CYRIB: variants seen among roughly 807,000 people sequenced by gnomAD.
CYRIB encodes the protein CYFIP related Rac1 interactor B.
A neutral mutation model predicts 44.2 loss-of-function variants in CYRIB; 8 were observed. That is an observed-to-expected ratio of 0.18 (90% CI 0.11 to 0.33). The LOEUF (loss-of-function observed/expected upper bound fraction) is 0.33. Ranked by LOEUF, CYRIB falls within the 10% of genes least tolerant of loss-of-function variation. CYRIB has a pLI of 1.00. For missense variants in CYRIB, 185 were observed against 382.8 expected, an observed-to-expected ratio of 0.48 and a Z score of 4.31; for synonymous variants, 131 against 127.2, an observed-to-expected ratio of 1.03 and a Z score of -0.20.
intron 2 of CYRIB, among the ~76,000 whole-genome samples, chr8:129,898,780 TAA>T (rs2069697790): frequency 6.6e-6 from 1 of 152,234 alleles, no homozygotes; most frequent in Admixed American, 6.5e-5. Context: ...CTTACAGTGC[TAA>T]AAAGAGTCCA....
upstream of CYRIB, among the ~76,000 whole-genome samples, chr8:129,941,173 G>C (rs779323964): frequency 6.6e-6 from 1 of 151,894 alleles, no homozygotes; most frequent in Non-Finnish European, 1.5e-5. Context: ...AACATTCCTA[G>C]GCCTCAGACT....
intron 2 of CYRIB, among the ~76,000 whole-genome samples, chr8:129,954,526 T>G (rs201596603): frequency 4.5e-5 from 1 of 22,012 alleles, no homozygotes; most frequent in Non-Finnish European, 1.3e-4. Context: ...CCTGGCCTAG[T>G]TTTTTAATTT....
chr8:129,920,182 G>A (rs74325698), intron 1 of CYRIB, among the ~76,000 whole-genome samples: 4,570 of 151,132 alleles, frequency 0.03, 235 homozygotes, highest in African/African-American at 0.11. Flanking sequence ...TTTAAAACAT[G>A]TAAGTCCAGC....
chr8:129,859,066 T>A (rs2047794042), intron 5 of CYRIB, among the ~76,000 whole-genome samples: 1 of 152,026 alleles, frequency 6.6e-6, no homozygotes, highest in African/African-American at 2.4e-5. Context: ...TGGCCCCGAA[T>A]GCTAGGCTGC....
rs141039598 is a variant in CYRIB, at chr8:129,908,208, T to C, written c.-49-4858A>G. Among the ~76,000 whole-genome samples the C allele has an allele frequency of 5.5e-3, 837 of 151,932 alleles. 8 individuals carry two copies. Among genetic ancestry groups the C allele is most frequent in the African/African-American group, 0.019 (793 of 41,434 alleles). ...AAAAAATTTAAAATGGAAAGATGAATCAATCATGTAAAAATTAAAGATAAG... is the reference window on the plus strand; with the variant it reads ...AAAAAATTTAAAATGGAAAGATGAACCAATCATGTAAAAATTAAAGATAAG... On this transcript the variant is annotated intron_variant, in intron 1 of 11. Transcript: ENST00000519824.
intron 2 of CYRIB, among the ~76,000 whole-genome samples, chr8:129,960,373 T>C (rs1206206753): frequency 6.6e-6 from 1 of 152,030 alleles, no homozygotes; most frequent in Non-Finnish European, 1.5e-5. Flanking sequence ...GGTGGGTGGA[T>C]CACCTGAGGT....
chr8:130,000,788 GGGAGGATCCCT>G (rs1396359192), intron 1 of CYRIB, among the ~76,000 whole-genome samples: 1 of 152,064 alleles, frequency 6.6e-6, no homozygotes. Context: ...AGGCCAAGGT[GGGAGGATCCCT>G]GGAGCTCAGG....
intron 7 of CYRIB, among the ~76,000 whole-genome samples, chr8:129,853,576 T>C (rs2044497716): frequency 6.6e-6 from 1 of 152,202 alleles, no homozygotes; most frequent in Non-Finnish European, 1.5e-5. Flanking sequence ...TTCAGACCAA[T>C]TATAAGGTTC....
chr8:129,850,550 A>C (rs1023822300), intron 9 of CYRIB: 2 of 377,124 alleles, frequency 5.3e-6, no homozygotes, highest in Non-Finnish European at 9.5e-6. Context: ...AGCCACCAAA[A>C]CACCACCACC....
chr8:129,982,555 T>A (rs1305992580), intron 1 of CYRIB, among the ~76,000 whole-genome samples: 2 of 152,186 alleles, frequency 1.3e-5, no homozygotes, highest in Non-Finnish European at 2.9e-5. Context: ...AAGTCCTGAC[T>A]CATTTACCAA....
At chr8:129,916,520 T>C (rs1230194775) in intron 1 of CYRIB, among the ~76,000 whole-genome samples, 1 of 152,188 alleles carries the variant, frequency 6.6e-6, no homozygotes, top group Non-Finnish European at 1.5e-5. Flanking sequence ...CTAATAAACA[T>C]GCTACTAGAG....
upstream of CYRIB, among the ~76,000 whole-genome samples, chr8:129,943,167 G>A (rs1283239226): frequency 6.9e-6 from 1 of 145,268 alleles, no homozygotes; most frequent in South Asian, 2.2e-4. Flanking sequence ...CCCTGCTCCG[G>A]AGGGGCTGAG....
At chr8:129,983,737 G>T (rs2132844988) in intron 1 of CYRIB, among the ~76,000 whole-genome samples, 1 of 152,332 alleles carries the variant, frequency 6.6e-6, no homozygotes, top group South Asian at 2.1e-4. Context: ...CGGGGATGCG[G>T]GGACACCGGG....
chr8:129,929,470 A>C (rs779328742), intron 1 of CYRIB, among the ~76,000 whole-genome samples: 9 of 152,198 alleles, frequency 5.9e-5, no homozygotes, highest in Non-Finnish European at 1.3e-4. Flanking sequence ...CTAACTAATA[A>C]TCAGTGAATT....
At chr8:129,929,371 A>G (rs2089941418) in intron 1 of CYRIB, among the ~76,000 whole-genome samples, 1 of 152,130 alleles carries the variant, frequency 6.6e-6, no homozygotes, top group African/African-American at 2.4e-5. Context: ...GGCAGGGGGT[A>G]GTATGGAAGA....
intron 2 of CYRIB, chr8:129,890,335 C>A (rs1386905264): frequency 6.6e-6 from 1 of 152,216 alleles, no homozygotes; most frequent in African/African-American, 2.4e-5. Context: ...CCTTCAGCAA[C>A]TACTACCTTG....
At chr8:129,960,416 G>A (rs973317871) in intron 2 of CYRIB, among the ~76,000 whole-genome samples, 42 of 152,076 alleles carry the variant, frequency 2.8e-4, no homozygotes, top group African/African-American at 9.9e-4. Flanking sequence ...CCAACATGGC[G>A]AAACCCCGCC....
chr8:130,014,380 T>C (rs946541808), intron 1 of CYRIB, among the ~76,000 whole-genome samples: 2 of 152,186 alleles, frequency 1.3e-5, no homozygotes, highest in African/African-American at 4.8e-5. Context: ...CAGTAAGACA[T>C]GATCACGCTA....
At chr8:129,965,516 G>C (rs1049126853) in intron 2 of CYRIB, among the ~76,000 whole-genome samples, 15 of 152,120 alleles carry the variant, frequency 9.9e-5, no homozygotes, top group Admixed American at 7.9e-4. Flanking sequence ...ATACATTCAG[G>C]CCGGGCGCGG....
Sources: gnomAD v4.1 joint callset for allele counts (sites outside exome capture counted in the v4.1 genomes callset) on GRCh38, gnomAD v4.1.1 for gene constraint, MANE v1.5 for transcripts, NCBI Gene and HGNC (gene_info 2026-07-23, HGNC 2026-07-21) for gene names.